Variants in NKAIN2 observed in about 807,000 individuals in gnomAD.
NKAIN2 encodes the protein sodium/potassium transporting ATPase interacting 2.
In NKAIN2, 14 loss-of-function variants were observed where a neutral mutation model predicts 32.6. The observed-to-expected ratio is 0.43, with a 90% CI of 0.28 to 0.67. The LOEUF is 0.67. NKAIN2 is among the 30% of genes least tolerant of loss of function. NKAIN2 has a pLI of 0.17. For missense variants in NKAIN2, 198 were observed against 258.3 expected, an observed-to-expected ratio of 0.77 and a Z score of 1.60; for synonymous variants, 80 against 87.2, an observed-to-expected ratio of 0.92 and a Z score of 0.46.
At chr6:124,657,285 C>G (rs940683178) in intron 3 of NKAIN2, among the ~76,000 whole-genome samples, 1 of 152,142 alleles carries the variant, frequency 6.6e-6, no homozygotes, top group Admixed American at 6.5e-5. Flanking sequence ...CCATAACTGA[C>G]CTTTTTTTCT....
At chr6:123,984,401 A>G (rs553961749) in intron 1 of NKAIN2, among the ~76,000 whole-genome samples, 46 of 152,332 alleles carry the variant, frequency 3.0e-4, no homozygotes, top group African/African-American at 1.1e-3. Flanking sequence ...ACTTCAACAC[A>G]TGTATAAGTA....
chr6:124,496,899 C>A (rs556745220), intron 3 of NKAIN2, among the ~76,000 whole-genome samples: 1 of 152,196 alleles, frequency 6.6e-6, no homozygotes, highest in East Asian at 1.9e-4. Context: ...AATGAGATGA[C>A]AGATCAAGGG....
At chr6:124,320,165 A>G (rs1797115399) in intron 2 of NKAIN2, among the ~76,000 whole-genome samples, 1 of 152,132 alleles carries the variant, frequency 6.6e-6, no homozygotes, top group Non-Finnish European at 1.5e-5. Context: ...CTGTCTTGAC[A>G]TTTGGATATA....
At chr6:124,606,991 A>G (rs1055908841) in intron 3 of NKAIN2, among the ~76,000 whole-genome samples, 1 of 152,192 alleles carries the variant, frequency 6.6e-6, no homozygotes, top group Non-Finnish European at 1.5e-5. Context: ...GTGAGTAAAG[A>G]TGAACTGTCA....
chr6:124,156,549 T>A (rs1246778652), intron 1 of NKAIN2, among the ~76,000 whole-genome samples: 1 of 152,026 alleles, frequency 6.6e-6, no homozygotes, highest in African/African-American at 2.4e-5. Context: ...GAAAAGAAGT[T>A]CAGTGTATCT....
chr6:123,866,423 A>T (rs1772515423), intron 1 of NKAIN2, among the ~76,000 whole-genome samples: 1 of 152,182 alleles, frequency 6.6e-6, no homozygotes, highest in African/African-American at 2.4e-5. Flanking sequence ...ATTAGCAAAC[A>T]TAATACACTT....
chr6:123,854,365 C>A (rs925229074), intron 1 of NKAIN2, among the ~76,000 whole-genome samples: 1 of 152,070 alleles, frequency 6.6e-6, no homozygotes, highest in African/African-American at 2.4e-5. Context: ...GTAGCTTATA[C>A]AATTTTAGAA....
At chr6:124,710,502 A>C (rs1583694193) in intron 4 of NKAIN2, among the ~76,000 whole-genome samples, 2 of 151,722 alleles carry the variant, frequency 1.3e-5, no homozygotes, top group African/African-American at 4.8e-5. Context: ...TGCTTTATGA[A>C]TCTGGGTGCT....
At chr6:124,341,667 A>G (rs754115912) in intron 2 of NKAIN2, among the ~76,000 whole-genome samples, 2 of 152,204 alleles carry the variant, frequency 1.3e-5, no homozygotes, top group Admixed American at 6.5e-5. Context: ...TTCCTCTATG[A>G]TCTGCAGCAT....
At chr6:124,408,787 C>A (rs567582577) in intron 3 of NKAIN2, among the ~76,000 whole-genome samples, 29 of 152,252 alleles carry the variant, frequency 1.9e-4, no homozygotes, top group Non-Finnish European at 3.8e-4. Context: ...TTACCTTGGG[C>A]AGTATGGCCA....
chr6:124,483,832 G>C (rs1259727572), intron 3 of NKAIN2, among the ~76,000 whole-genome samples: 1 of 151,876 alleles, frequency 6.6e-6, no homozygotes, highest in East Asian at 1.9e-4. Context: ...TATATAAATT[G>C]ACTAAAATTT....
intron 1 of NKAIN2, among the ~76,000 whole-genome samples, chr6:124,056,206 CA>C (rs1259327151): frequency 6.6e-6 from 1 of 150,856 alleles, no homozygotes; most frequent in Non-Finnish European, 1.5e-5. Flanking sequence ...TGGAAACTGT[CA>C]TTTATTTTGT....
chr6:124,498,776 A>G (rs542201715), intron 3 of NKAIN2, among the ~76,000 whole-genome samples: 34 of 152,102 alleles, frequency 2.2e-4, no homozygotes, highest in Non-Finnish European at 4.1e-4. Flanking sequence ...ATTTTACATC[A>G]GTGGGTAGTA....
intron 1 of NKAIN2, 128 bp downstream of exon 1, chr6:123,804,382 G>T (rs1192682530): frequency 2.4e-6 from 2 of 822,246 alleles, no homozygotes; most frequent in Non-Finnish European, 4.2e-6. Context: ...CAGATATATT[G>T]CCTATATTGA....
chr6:124,504,741 T>A (rs887978170), intron 3 of NKAIN2, among the ~76,000 whole-genome samples: 1 of 152,224 alleles, frequency 6.6e-6, no homozygotes, highest in Non-Finnish European at 1.5e-5. Context: ...ATGTATTAGA[T>A]CTTTTATACT....
chr6:124,672,249 T>A (rs1773143976), intron 4 of NKAIN2, among the ~76,000 whole-genome samples: 1 of 152,070 alleles, frequency 6.6e-6, no homozygotes, highest in Non-Finnish European at 1.5e-5. Flanking sequence ...AAAGTTGCCT[T>A]CACTGTCATC....
chr6:123,999,811 G>A (rs1456176173), intron 1 of NKAIN2, among the ~76,000 whole-genome samples: 2 of 152,066 alleles, frequency 1.3e-5, no homozygotes, highest in African/African-American at 4.8e-5. Context: ...AGAGAGAAAT[G>A]TCAGAATATT....
intron 3 of NKAIN2, among the ~76,000 whole-genome samples, chr6:124,360,270 G>A (rs549396366): frequency 2.0e-5 from 3 of 152,240 alleles, no homozygotes; most frequent in African/African-American, 7.2e-5. Context: ...TTGGTATCAG[G>A]ATGATGCTGG....
intron 5 of NKAIN2, among the ~76,000 whole-genome samples, chr6:124,801,791 C>G (rs895240429): frequency 1.3e-5 from 2 of 152,046 alleles, no homozygotes; most frequent in Non-Finnish European, 2.9e-5. Flanking sequence ...AATTCTTCCC[C>G]GAAGACATGA....
Sources: allele counts gnomAD v4.1 joint callset (sites outside exome capture counted in the v4.1 genomes callset), GRCh38; gene constraint gnomAD v4.1.1; transcripts MANE v1.5; gene names NCBI Gene and HGNC (gene_info 2026-07-23, HGNC 2026-07-21).